The following GABRB1 variants were observed in gnomAD, a reference collection of about 807,000 sequenced individuals.
The protein encoded by GABRB1 is gamma-aminobutyric acid type A receptor subunit beta1.
A neutral mutation model predicts 51.6 loss-of-function variants in GABRB1; 17 were observed. The ratio of observed to expected loss-of-function variants is 0.33; its 90% CI spans 0.23 to 0.49. The LOEUF is 0.49. Ranked by LOEUF, GABRB1 falls within the 20% of genes least tolerant of loss-of-function variation. GABRB1 has a pLI of 0.99. For synonymous variants in GABRB1, 247 were observed against 218.9 expected (o/e 1.13, Z -1.14); for missense variants, 410 against 600.6 (o/e 0.68, Z 3.32).
At chr4:47,294,894 C>A (rs1485003074) in intron 4 of GABRB1, among the ~76,000 whole-genome samples, 2 of 152,170 alleles carry the variant, frequency 1.3e-5, no homozygotes, top group Non-Finnish European at 2.9e-5. Flanking sequence ...CGGCCGGGTA[C>A]TCCTCTGAGA....
At chr4:47,123,351 T>C (rs910101426) in intron 3 of GABRB1, among the ~76,000 whole-genome samples, 2 of 132,426 alleles carry the variant, frequency 1.5e-5, no homozygotes, top group Non-Finnish European at 3.1e-5. Context: ...TAATATATAT[T>C]AGATAATATA....
At chr4:47,368,456 A>G (rs1197124613) in intron 5 of GABRB1, among the ~76,000 whole-genome samples, 1 of 152,104 alleles carries the variant, frequency 6.6e-6, no homozygotes, top group Non-Finnish European at 1.5e-5. Flanking sequence ...ACTGGCATTG[A>G]GTGGGTAAAG....
chr4:47,338,699 A>G (rs1028630677), intron 5 of GABRB1, among the ~76,000 whole-genome samples: 4 of 152,210 alleles, frequency 2.6e-5, no homozygotes, highest in Non-Finnish European at 5.9e-5. Context: ...TGTGTGTTCT[A>G]CGAAGCACCA....
chr4:47,151,104 T>A (rs1287197632), intron 3 of GABRB1, among the ~76,000 whole-genome samples: 1 of 152,030 alleles, frequency 6.6e-6, no homozygotes, highest in Non-Finnish European at 1.5e-5. Flanking sequence ...GATAATTTGA[T>A]AAAAATCATT....
chr4:47,418,852 C>G (rs1260762729), intron 8 of GABRB1, among the ~76,000 whole-genome samples: 1 of 152,136 alleles, frequency 6.6e-6, no homozygotes, highest in African/African-American at 2.4e-5. Flanking sequence ...AACATCCATG[C>G]AGCACTATCC....
intron 3 of GABRB1, 32 bp downstream of exon 3, chr4:47,032,516 G>C: frequency 6.2e-7 from 1 of 1,600,432 alleles, no homozygotes; most frequent in Non-Finnish European, 8.6e-7. Flanking sequence ...CCGGCGGTTC[G>C]GCTTACGCAG....
chr4:47,154,919 G>A (rs1173232086), intron 3 of GABRB1, among the ~76,000 whole-genome samples: 1 of 152,012 alleles, frequency 6.6e-6, no homozygotes, highest in African/African-American at 2.4e-5. Flanking sequence ...TAATAGCAGT[G>A]CAGCCCTAAT....
chr4:47,232,817 T>G (rs949977582), intron 4 of GABRB1, among the ~76,000 whole-genome samples: 4 of 151,942 alleles, frequency 2.6e-5, no homozygotes, highest in Non-Finnish European at 5.9e-5. Flanking sequence ...ATTCTCAAAT[T>G]TCTTATTTTT....
At chr4:47,031,776 T>G in intron 1 of GABRB1, 45 bp downstream of exon 1, 4 of 1,541,698 alleles carry the variant, frequency 2.6e-6, no homozygotes, top group Non-Finnish European at 3.6e-6. Context: ...CTCTCTCTCT[T>G]TTTTTCTTGG....
At chr4:47,117,334 G>A (rs1010201706) in intron 3 of GABRB1, among the ~76,000 whole-genome samples, 3 of 152,090 alleles carry the variant, frequency 2.0e-5, no homozygotes, top group African/African-American at 7.2e-5. Context: ...ATAACATCAA[G>A]CCTCCAGGTC....
intron 3 of GABRB1, among the ~76,000 whole-genome samples, chr4:47,123,775 ATATAT>A (rs1230461397): frequency 1.1e-5 from 1 of 88,880 alleles, no homozygotes; most frequent in African/African-American, 4.6e-5. Context: ...ATTATATATC[ATATAT>A]TATTATATAT....
At chr4:47,341,161 T>C (rs1170383687) in intron 5 of GABRB1, among the ~76,000 whole-genome samples, 1 of 152,202 alleles carries the variant, frequency 6.6e-6, no homozygotes, top group Non-Finnish European at 1.5e-5. Flanking sequence ...TTGGGGAATT[T>C]ACAAGCTGTT....
chr4:47,156,797 C>T (rs1321648875), intron 3 of GABRB1, among the ~76,000 whole-genome samples: 3 of 151,722 alleles, frequency 2.0e-5, no homozygotes, highest in Non-Finnish European at 4.4e-5. Flanking sequence ...TGGAGAAACC[C>T]CATCTACTAA....
intron 5 of GABRB1, among the ~76,000 whole-genome samples, chr4:47,360,598 C>T (rs186591172): frequency 6.6e-6 from 1 of 152,142 alleles, no homozygotes. Flanking sequence ...TTATACAGTT[C>T]TATGGAGCAA....
chr4:47,368,008 A>G (rs1278576493), intron 5 of GABRB1, among the ~76,000 whole-genome samples: 2 of 152,234 alleles, frequency 1.3e-5, no homozygotes, highest in African/African-American at 2.4e-5. Flanking sequence ...CGGACTTTCC[A>G]TAACTAGAAC....
intron 4 of GABRB1, among the ~76,000 whole-genome samples, chr4:47,214,681 CG>C (rs1164619506): frequency 6.6e-6 from 1 of 152,064 alleles, no homozygotes; most frequent in Non-Finnish European, 1.5e-5. Flanking sequence ...TATTATCAAT[CG>C]AAAAATGCTT....
chr4:47,033,001 G>A, intron 3 of GABRB1: 1 of 330,458 alleles, frequency 3.0e-6, no homozygotes, highest in Admixed American at 3.9e-5. Context: ...GGCACACCTG[G>A]TGGCAGGAGC....
At chr4:47,397,118 T>C (rs1728202626) in intron 5 of GABRB1, among the ~76,000 whole-genome samples, 1 of 152,204 alleles carries the variant, frequency 6.6e-6, no homozygotes, top group Non-Finnish European at 1.5e-5. Flanking sequence ...TTTATAGATT[T>C]TTGTTGCCAC....
chr4:47,229,780 A>C (rs568329142), intron 4 of GABRB1, among the ~76,000 whole-genome samples: 1 of 152,242 alleles, frequency 6.6e-6, no homozygotes, highest in African/African-American at 2.4e-5. Flanking sequence ...TTTTAGGGTG[A>C]TGAAGGCACA....
Sources: allele counts gnomAD v4.1 joint callset (sites outside exome capture counted in the v4.1 genomes callset), GRCh38; gene constraint gnomAD v4.1.1; transcripts MANE v1.5; gene names NCBI Gene and HGNC (gene_info 2026-07-23, HGNC 2026-07-21).